Variants in LAMA2 observed in about 807,000 individuals in gnomAD.
LAMA2 encodes laminin subunit alpha-2.
Under a neutral mutation model 364.8 loss-of-function variants are expected in LAMA2, and 269 were observed. The observed-to-expected ratio is 0.74, with a 90% CI of 0.67 to 0.82. The LOEUF is 0.82. Among genes scored for constraint, LAMA2 ranks in the 40% least tolerant of loss-of-function variants. The pLI is 0.00. For missense variants in LAMA2, 3,807 were observed against 3,873.2 expected, an observed-to-expected ratio of 0.98 and a Z score of 0.45; for synonymous variants, 1,379 against 1,370.6, an observed-to-expected ratio of 1.01 and a Z score of -0.14.
chr6:129,184,981 T>C (rs1292855650), intron 10 of LAMA2, among the ~76,000 whole-genome samples: 1 of 151,960 alleles, frequency 6.6e-6, no homozygotes, highest in African/African-American at 2.4e-5. Context: ...GCTAATTAAC[T>C]AATTATCCTT....
chr6:129,151,157 C>T (rs1233157677), intron 7 of LAMA2, among the ~76,000 whole-genome samples: 1 of 152,094 alleles, frequency 6.6e-6, no homozygotes, highest in African/African-American at 2.4e-5. Context: ...TAGGCTGCAG[C>T]CTACAGACAG....
chr6:128,905,603 T>A (rs1164183567), intron 1 of LAMA2: 1 of 151,948 alleles, frequency 6.6e-6, no homozygotes, highest in African/African-American at 2.4e-5. Context: ...TTTTGTTTGT[T>A]TTTTTCGTTT....
intron 9 of LAMA2, 87 bp from the exon 10 acceptor site, chr6:129,177,619 A>G (rs1330120845): frequency 8.9e-6 from 12 of 1,345,754 alleles, no homozygotes; most frequent in Non-Finnish European, 1.3e-5. Flanking sequence ...TCAAAATAGC[A>G]TTTTAAAGGT....
chr6:129,381,606 A>G (rs1425756668), intron 34 of LAMA2, among the ~76,000 whole-genome samples: 1 of 152,202 alleles, frequency 6.6e-6, no homozygotes, highest in Non-Finnish European at 1.5e-5. Context: ...GAACATAATT[A>G]CAACACTCAC....
chr6:129,157,587 A>C (rs1392695706), intron 8 of LAMA2: 1 of 1,612,952 alleles, frequency 6.2e-7, no homozygotes, highest in Admixed American at 1.7e-5. Context: ...CAACGCTGTG[A>C]GTCTGGGGGC....
chr6:129,127,817 A>G (rs1296530838), intron 4 of LAMA2, among the ~76,000 whole-genome samples: 2 of 151,954 alleles, frequency 1.3e-5, no homozygotes, highest in African/African-American at 4.8e-5. Context: ...CTTTTGAGCA[A>G]TGTCTATTCA....
chr6:129,008,221 C>T (rs142187683), intron 1 of LAMA2, among the ~76,000 whole-genome samples: 1 of 152,162 alleles, frequency 6.6e-6, no homozygotes, highest in Non-Finnish European at 1.5e-5. Flanking sequence ...CTTGCAGAAA[C>T]TCTGTGTGCA....
intron 3 of LAMA2, among the ~76,000 whole-genome samples, chr6:129,081,921 A>C (rs558603952): frequency 1.4e-3 from 215 of 152,300 alleles, no homozygotes; most frequent in African/African-American, 5.0e-3. Context: ...GAAAATGCTA[A>C]AACAACTTGC....
chr6:129,128,019 TG>T (rs1777217928), intron 4 of LAMA2, among the ~76,000 whole-genome samples: 1 of 152,230 alleles, frequency 6.6e-6, no homozygotes, highest in Non-Finnish European at 1.5e-5. Flanking sequence ...CCAATTTGTT[TG>T]TTTTTACTTT....
At chr6:129,471,850 G>T (rs1783827880) in intron 51 of LAMA2, among the ~76,000 whole-genome samples, 1 of 151,748 alleles carries the variant, frequency 6.6e-6, no homozygotes, top group Non-Finnish European at 1.5e-5. Flanking sequence ...GGTGTCCATT[G>T]GTATGTGTAT....
intron 18 of LAMA2, among the ~76,000 whole-genome samples, chr6:129,285,514 A>G (rs922655383): frequency 1.3e-5 from 2 of 152,168 alleles, no homozygotes; most frequent in African/African-American, 4.8e-5. Flanking sequence ...AGATCTCGTT[A>G]TATAAAGCTA....
At chr6:128,973,672 G>C (rs1782341809) in intron 1 of LAMA2, among the ~76,000 whole-genome samples, 1 of 152,098 alleles carries the variant, frequency 6.6e-6, no homozygotes, top group Non-Finnish European at 1.5e-5. Flanking sequence ...GGGAATTTGA[G>C]AATAAAGGAT....
intron 63 of LAMA2, among the ~76,000 whole-genome samples, chr6:129,513,067 A>C (rs766719021): frequency 6.6e-6 from 1 of 152,210 alleles, no homozygotes; most frequent in Non-Finnish European, 1.5e-5. Context: ...GCATTAAGAC[A>C]ACTTTGCACT....
chr6:129,371,270 TG>T (rs1311022653), intron 34 of LAMA2, among the ~76,000 whole-genome samples: 2 of 152,044 alleles, frequency 1.3e-5, no homozygotes, highest in Non-Finnish European at 2.9e-5. Context: ...TGTGTGTGTG[TG>T]TGTGTGTGTA....
intron 53 of LAMA2, 112 bp from the exon 54 acceptor site, chr6:129,478,581 T>TAGAC (rs1784196907): frequency 9.0e-7 from 1 of 1,115,016 alleles, no homozygotes; most frequent in African/African-American, 1.5e-5. Flanking sequence ...CACAGTTTGA[T>TAGAC]AGACATGTGC....
intron 29 of LAMA2, among the ~76,000 whole-genome samples, chr6:129,334,267 A>T (rs2114548265): frequency 6.6e-6 from 1 of 152,354 alleles, no homozygotes; most frequent in African/African-American, 2.4e-5. Flanking sequence ...GAGTGCCTTG[A>T]TTCAAATCCT....
chr6:129,256,573 G>T (rs1037009680), intron 14 of LAMA2, among the ~76,000 whole-genome samples: 2 of 151,750 alleles, frequency 1.3e-5, no homozygotes, highest in African/African-American at 2.4e-5. Flanking sequence ...TAGTGCAGAA[G>T]AAGTGTGCGC....
intron 29 of LAMA2, among the ~76,000 whole-genome samples, chr6:129,342,003 A>G (rs1776293853): frequency 1.3e-5 from 2 of 152,262 alleles, no homozygotes; most frequent in Admixed American, 6.5e-5. Flanking sequence ...ATAAATGCCT[A>G]GAAGAAATAA....
intron 62 of LAMA2, among the ~76,000 whole-genome samples, chr6:129,511,681 T>G (rs974596042): frequency 8.5e-5 from 13 of 152,128 alleles, no homozygotes; most frequent in African/African-American, 3.1e-4. Flanking sequence ...ACATATCACT[T>G]TGTTCCTAAG....
Sources: gnomAD v4.1 joint callset for allele counts (sites outside exome capture counted in the v4.1 genomes callset) on GRCh38, gnomAD v4.1.1 for gene constraint, MANE v1.5 for transcripts, NCBI Gene and HGNC (gene_info 2026-07-23, HGNC 2026-07-21) for gene names.